Variants in RASAL1 observed in about 807,000 individuals in gnomAD.
The protein encoded by RASAL1 is RAS protein activator like 1.
Under a neutral mutation model 96.6 loss-of-function variants are expected in RASAL1, and 72 were observed. That is an observed-to-expected ratio of 0.75 (90% CI 0.62 to 0.91). The LOEUF is 0.91. Ranked by LOEUF, RASAL1 falls within the 40% of genes least tolerant of loss-of-function variation. The probability of loss-of-function intolerance (pLI) is 0.00; values close to 1 mark genes in which losing one functional copy is unlikely to be tolerated. For missense variants in RASAL1, 1,016 were observed against 1,072.5 expected, an observed-to-expected ratio of 0.95 and a Z score of 0.74; for synonymous variants, 405 against 430.4, an observed-to-expected ratio of 0.94 and a Z score of 0.73.
chr12:113,130,302 A>G lies in RASAL1; in HGVS notation c.122+583T>C, dbSNP rs967360517. On this transcript the variant is annotated intron_variant, in intron 2 of 20. Coordinates refer to ENST00000548055, the MANE Select transcript of RASAL1 (RefSeq NM_001301202.2). The surrounding 1 kb of genome is among the most constrained non-coding windows in gnomAD (Gnocchi z 5.1). ...ATGTGTCCACACCGGTGCCTTTGTGACCAAATCAGCTGGCATTGGTGTTCA... is the reference window on the plus strand; with the variant it reads ...ATGTGTCCACACCGGTGCCTTTGTGGCCAAATCAGCTGGCATTGGTGTTCA... 6.6e-6 allele frequency among the ~76,000 whole-genome samples: 1 copy of G among 152,148 alleles called. No homozygotes were observed. Among genetic ancestry groups the G allele is most frequent in the African/African-American group, 2.4e-5 (1 of 41,428 alleles).
chr12:113,115,667 T>C lies in RASAL1; in HGVS notation c.971A>G (p.Asp324Gly), dbSNP rs1456067170. ...AGCCACCTCACGCCGGGTGAGATAGTCCAGAAAGCGCCCAGCCAGTCCCCG... is the reference window on the plus strand; with the variant it reads ...AGCCACCTCACGCCGGGTGAGATAGCCCAGAAAGCGCCCAGCCAGTCCCCG... ...LGRGLAGRFL[D>G]YLTRREVART... The change falls in exon 10 of 21, where the codon GAC (aspartate) becomes GGC (glycine). Residue 324 changes from aspartate to glycine, a missense_variant. Physicochemically the swap from Asp to Gly is moderately conservative, Grantham distance 94. Transcript: ENST00000548055. The surrounding 1 kb of genome is among the most constrained non-coding windows in gnomAD (Gnocchi z 4.1). 1 of 1,613,674 alleles carries C rather than the reference T, an allele frequency of 6.2e-7. No homozygotes were observed. The highest frequency in any genetic ancestry group is 1.7e-5 in the Admixed American group (1 of 59,998).
intron 2 of RASAL1, 40 bp from the exon 3 acceptor site, chr12:113,128,218 C>A: frequency 7.5e-7 from 1 of 1,340,028 alleles, no homozygotes. Flanking sequence ...CCTCGGGCCA[C>A]ACAGGAGGCA....
chr12:113,112,627 C>T (rs1275192640), intron 12 of RASAL1, among the ~76,000 whole-genome samples: 2 of 152,160 alleles, frequency 1.3e-5, no homozygotes, highest in African/African-American at 2.4e-5. Flanking sequence ...TCTCCCCTCC[C>T]TCGTTTATTC....
In RASAL1 at chr12:113,115,294, G is replaced by T; in HGVS notation, c.1004-30C>A. 6.3e-7 allele frequency: 1 copy of T among 1,594,814 alleles called. No individual in the cohort carries two copies. Among genetic ancestry groups the T allele is most frequent in the South Asian group, 1.1e-5 (1 of 90,632 alleles). On this transcript the variant is annotated intron_variant, in intron 10 of 20. Coordinates refer to ENST00000548055, the MANE Select transcript of RASAL1 (RefSeq NM_001301202.2). This position sits in a 1 kb window ranked among gnomAD's most constrained non-coding sequence, Gnocchi z 4.1. ...GAGGACAGGAGGAAGTGTTTGCTGG[G>T]ATTTAGGGAGCTGAACCCAGCTCAC...
intron 4 of RASAL1, among the ~76,000 whole-genome samples, chr12:113,125,113 ATACAT>A (rs951025092): frequency 4.0e-5 from 6 of 151,322 alleles, no homozygotes; most frequent in African/African-American, 1.5e-4. Context: ...AAAAAAAAAA[ATACAT>A]ATACATATAT....
At chr12:113,116,162 C>A in intron 8 of RASAL1, 111 bp from the exon 9 acceptor site, 1 of 780,480 alleles carries the variant, frequency 1.3e-6, no homozygotes, top group Non-Finnish European at 2.0e-6. Flanking sequence ...TTGAGGTCAG[C>A]AGTTTGTGAC....
At chr12:113,126,689 C>CAG (rs1491555843) in intron 4 of RASAL1, among the ~76,000 whole-genome samples, 1 of 86,734 alleles carries the variant, frequency 1.2e-5, no homozygotes, top group Non-Finnish European at 2.1e-5. Flanking sequence ...CTCTCTCTCT[C>CAG]ACACACACAC....
chr12:113,105,192 T>G (rs1950603591), intron 16 of RASAL1, among the ~76,000 whole-genome samples: 2 of 152,262 alleles, frequency 1.3e-5, no homozygotes, highest in Admixed American at 1.3e-4. Context: ...ATTCTAGTCA[T>G]GAACGCCAGC....
At position 113,127,802 on chromosome 12, in the gene RASAL1, C is replaced by A. The variant is rs201674516; in HGVS notation, c.298+10G>T. The A allele has an allele frequency of 2.6e-5, 42 of 1,608,770 alleles. No individual in the cohort carries two copies. Among genetic ancestry groups the A allele is most frequent in the Non-Finnish European group, 2.6e-5 (31 of 1,175,848 alleles). On this transcript the variant is annotated intron_variant, in intron 4 of 20. Coordinates refer to ENST00000548055, the MANE Select transcript of RASAL1 (RefSeq NM_001301202.2). ...GCCCCCTCCTCCCTCTGCCCATGTC[C>A]CTCGCCCACCTCGGGGGTCGGCTGT...
chr12:113,104,143 A>G lies in RASAL1; in HGVS notation c.1968+18T>C, dbSNP rs1950561346. The G allele has an allele frequency of 1.3e-6, 2 of 1,596,376 alleles. No individual in the cohort carries two copies. The highest frequency in any genetic ancestry group is 1.3e-5 in the African/African-American group (1 of 74,644). On this transcript the variant is annotated intron_variant, in intron 17 of 20. Coordinates refer to ENST00000548055, the MANE Select transcript of RASAL1 (RefSeq NM_001301202.2). ...AACAGAGGGACGCCCCCCGCTCCCCATCGCGGTGGGGTCTCACCTTGCACT... is the reference window on the plus strand; with the variant it reads ...AACAGAGGGACGCCCCCCGCTCCCCGTCGCGGTGGGGTCTCACCTTGCACT...
At chr12:113,116,420 G>A (rs897917986) in intron 8 of RASAL1, among the ~76,000 whole-genome samples, 12 of 152,126 alleles carry the variant, frequency 7.9e-5, no homozygotes, top group Admixed American at 2.0e-4. Flanking sequence ...GCACAAGTGC[G>A]CATGGGCAGG....
intron 12 of RASAL1, among the ~76,000 whole-genome samples, chr12:113,112,730 C>T (rs1330183650): frequency 2.0e-5 from 3 of 152,052 alleles, no homozygotes; most frequent in Non-Finnish European, 4.4e-5. Flanking sequence ...GGGGGCAGGT[C>T]ACTTGAGACC....
chr12:113,104,133 C>T, intron 17 of RASAL1, 28 bp downstream of exon 17: 1 of 1,593,588 alleles, frequency 6.3e-7, no homozygotes, highest in Non-Finnish European at 8.6e-7. Context: ...AGGGACGCCC[C>T]CCGCTCCCCA....
At chr12:113,114,200 C>T (rs905288271) in intron 12 of RASAL1, among the ~76,000 whole-genome samples, 66 of 152,060 alleles carry the variant, frequency 4.3e-4, no homozygotes, top group African/African-American at 1.3e-3. Flanking sequence ...ATGCCAGGCA[C>T]GGTTGTTCAC....
Position 113,107,238 on chromosome 12 carries a change from C to G in RASAL1, c.1516G>C (p.Val506Leu). 4 of 1,595,952 alleles carry G rather than the reference C, an allele frequency of 2.5e-6. 1 individual carries two copies. The East Asian group carries it at 9.0e-5, about 36-fold the overall frequency. Reference protein sequence around the residue: ...SRSLLLLAKAVQSIGNLGQQL... With the variant: ...SRSLLLLAKALQSIGNLGQQL... The stretch of plus-strand genomic sequence containing the variant: ...TGGCCCAGGTTTCCAATGCTCTGCA[C>G]AGCCTGGAGCAAAGAAGCGAGGGAT... The change falls in exon 15 of 21, where the codon GTG becomes CTG. Residue 506 changes from valine to leucine, a missense_variant. By Grantham distance (32) the Val-to-Leu change is conservative. Transcript: ENST00000548055.
rs1951562533 is a variant in RASAL1, at chr12:113,128,168, C to T, written c.133G>A (p.Val45Ile). 2 of 1,612,990 alleles carry T rather than the reference C, an allele frequency of 1.2e-6. No homozygotes were observed. The highest frequency in any genetic ancestry group is 8.5e-7 in the Non-Finnish European group (1 of 1,179,586). The part of the protein sequence containing the change: ...DDEVVARTAT[V>I]WRSLGPFWGE... Reference sequence around the variant, plus strand: ...CAGAAGGGGCCCAGGCTCCTCCAGACAGTAGCTGTCCTGCAAAAGGAGGTG... The same window carrying T: ...CAGAAGGGGCCCAGGCTCCTCCAGATAGTAGCTGTCCTGCAAAAGGAGGTG... The change falls in exon 3 of 21, where the codon GTC becomes ATC. Residue 45 changes from valine (V) to isoleucine (I), a missense_variant. Val to Ile is a conservative substitution (Grantham distance 29, BLOSUM62 3). Transcript: ENST00000548055.
At chr12:113,119,525 A>G (rs1446551237) in intron 5 of RASAL1, 82 bp from the exon 6 acceptor site, 2 of 1,321,336 alleles carry the variant, frequency 1.5e-6, no homozygotes, top group African/African-American at 2.9e-5. Flanking sequence ...AGATCATTCC[A>G]ATGTCGCTGG....
chr12:113,120,789 G>A (rs1339564436), intron 5 of RASAL1, among the ~76,000 whole-genome samples: 1 of 152,056 alleles, frequency 6.6e-6, no homozygotes, highest in Admixed American at 6.6e-5. Flanking sequence ...TTTTCTTTGG[G>A]ACAGGACCTA....
chr12:113,103,163 A>C (rs1592879066), intron 18 of RASAL1: 3 of 160,728 alleles, frequency 1.9e-5, no homozygotes. Flanking sequence ...TGTTAATAAC[A>C]ATGTCATTAT....
Sources: gnomAD v4.1 joint callset for allele counts (sites outside exome capture counted in the v4.1 genomes callset) on GRCh38, gnomAD v4.1.1 for gene constraint, Gnocchi (gnomAD v3.1) non-coding constraint, MANE v1.5 for transcripts, NCBI Gene and HGNC (gene_info 2026-07-23, HGNC 2026-07-21) for gene names.